Variants in RANBP17 observed in about 807,000 individuals in gnomAD.
RANBP17 encodes RAN binding protein 17.
RANBP17 carries 158 observed loss-of-function variants against 141.2 expected under a neutral mutation model. The observed-to-expected ratio is 1.12, with a 90% CI of 0.98 to 1.28. RANBP17 has a LOEUF of 1.28. RANBP17 is among the 50% of genes most tolerant of loss of function. RANBP17 has a pLI of 0.00. For missense variants in RANBP17, 1,438 were observed against 1,290.7 expected (o/e 1.11, Z -1.75); for synonymous variants, 430 against 450.0 (o/e 0.96, Z 0.56).
chr5:171,066,566 T>C (rs888342880), intron 14 of RANBP17, among the ~76,000 whole-genome samples: 2 of 152,226 alleles, frequency 1.3e-5, no homozygotes, highest in African/African-American at 4.8e-5. Context: ...TATCCATTCA[T>C]CTGTTGTTGG....
rs559580141 is a variant in RANBP17 at position 171,041,729 on chromosome 5, CT to C, written c.1710+73360del. On this transcript the variant is annotated intron_variant, in intron 14 of 27. Transcript: ENST00000523189. ...TAGAAAAGGCACAGTAAAAAATACA[CT>C]TTTTTTTAAATTTAATATTATTTTA... is the stretch of plus-strand genomic sequence containing the variant. Among the ~76,000 whole-genome samples, 30 of 152,032 alleles carry C rather than the reference CT, an allele frequency of 2.0e-4. No individual in the cohort carries two copies. In the South Asian group the frequency reaches 4.2e-3, roughly 21 times the overall value.
chr5:171,281,890 A>G (rs1312892100), intron 25 of RANBP17, among the ~76,000 whole-genome samples: 1 of 152,198 alleles, frequency 6.6e-6, no homozygotes, highest in Non-Finnish European at 1.5e-5. Context: ...ACGCTAGGCC[A>G]TTTAGTACAC....
chr5:171,065,434 G>T (rs1311264371), intron 14 of RANBP17, among the ~76,000 whole-genome samples: 1 of 152,122 alleles, frequency 6.6e-6, no homozygotes, highest in Admixed American at 6.5e-5. Context: ...TCCTGCTCCT[G>T]TGATAATCTA....
At chr5:171,134,328 G>A (rs931200763) in intron 14 of RANBP17, among the ~76,000 whole-genome samples, 2 of 152,148 alleles carry the variant, frequency 1.3e-5, no homozygotes, top group Admixed American at 1.3e-4. Flanking sequence ...ACAATATTTA[G>A]CCTAATAAGG....
chr5:171,244,988 G>A (rs1161215591), intron 24 of RANBP17, among the ~76,000 whole-genome samples: 1 of 151,976 alleles, frequency 6.6e-6, no homozygotes, highest in Non-Finnish European at 1.5e-5. Context: ...AATTAGCCGG[G>A]CTTGGTAGCG....
At position 170,929,963 on chromosome 5, in the gene RANBP17, T is replaced by C. The variant is rs974733742; in HGVS notation, c.1468+5413T>C. On this transcript the variant is annotated intron_variant, in intron 12 of 27. Transcript: ENST00000523189. ...GGAATTTACTCAATGTTTCAATGTA[T>C]TGGAATAAAACTATTCTTAATATTC... Among the ~76,000 whole-genome samples the C allele has an allele frequency of 5.9e-5, 9 of 152,196 alleles. No homozygotes were observed. The South Asian group carries it at 8.3e-4, about 14-fold the overall frequency.
At chr5:171,207,581 G>C (rs2127964445) in intron 20 of RANBP17, 1 of 152,300 alleles carries the variant, frequency 6.6e-6, no homozygotes, top group South Asian at 2.1e-4. Flanking sequence ...GAAGTTATCA[G>C]GGTCAGGGGC....
chr5:171,014,609 G>T (rs1202364531), intron 14 of RANBP17, among the ~76,000 whole-genome samples: 3 of 151,812 alleles, frequency 2.0e-5, no homozygotes, highest in Non-Finnish European at 4.4e-5. Flanking sequence ...TTGTTCTATT[G>T]TTGTCATATA....
At position 171,130,431 on chromosome 5, in the gene RANBP17, C is replaced by CTTTTTTTT. The variant is rs72051535; in HGVS notation, c.1711-39684_1711-39677dup. Among the ~76,000 whole-genome samples the CTTTTTTTT allele has an allele frequency of 1.7e-3, 157 of 90,040 alleles. 2 individuals carry two copies. Among genetic ancestry groups the CTTTTTTTT allele is most frequent in the Non-Finnish European group, 2.2e-3 (109 of 50,496 alleles). The allele number at this position is 90,040 out of a possible 152,430, so 59.1% of individuals were successfully genotyped here. The stretch of plus-strand genomic sequence containing the variant: ...GCTCAATCAGAATACTTTAAAAAGA[C>CTTTTTTTT]TTTTTTTTTTTTTTTTTTTTTTGAG... On this transcript the variant is annotated intron_variant, in intron 14 of 27. Coordinates refer to ENST00000523189, the MANE Select transcript of RANBP17 (RefSeq NM_022897.5).
chr5:171,035,582 G>A (rs772323036), intron 14 of RANBP17, among the ~76,000 whole-genome samples: 2 of 149,024 alleles, frequency 1.3e-5, no homozygotes, highest in Non-Finnish European at 3.0e-5. Flanking sequence ...AATGATACAG[G>A]CTTTATTATC....
At chr5:171,016,551 T>C (rs1298924573) in intron 14 of RANBP17, among the ~76,000 whole-genome samples, 1 of 152,128 alleles carries the variant, frequency 6.6e-6, no homozygotes. Flanking sequence ...GTTGTTGTTA[T>C]ACTTTAAGTT....
intron 14 of RANBP17, among the ~76,000 whole-genome samples, chr5:171,042,701 A>G (rs1018560034): frequency 3.9e-5 from 6 of 152,182 alleles, no homozygotes; most frequent in Middle Eastern, 3.2e-3. Context: ...AATTATAACT[A>G]TAAATCAAAA....
intron 18 of RANBP17, among the ~76,000 whole-genome samples, chr5:171,187,623 T>G (rs868229079): frequency 3.0e-4 from 45 of 152,254 alleles, no homozygotes; most frequent in African/African-American, 1.1e-3. Flanking sequence ...TTTCTATTTC[T>G]GATCATTTGA....
At chr5:171,229,132 G>A (rs1764052969) in intron 22 of RANBP17, among the ~76,000 whole-genome samples, 1 of 152,214 alleles carries the variant, frequency 6.6e-6, no homozygotes, top group African/African-American at 2.4e-5. Flanking sequence ...AAAAATAACA[G>A]TTCTCGAGAG....
intron 14 of RANBP17, among the ~76,000 whole-genome samples, chr5:171,052,927 A>T (rs1783051430): frequency 8.1e-6 from 1 of 123,644 alleles, no homozygotes; most frequent in Non-Finnish European, 1.8e-5. Context: ...ATCTCAGCTC[A>T]CAGCAACCTC....
chr5:170,977,682 T>C (rs2060398408), intron 14 of RANBP17, among the ~76,000 whole-genome samples: 1 of 152,078 alleles, frequency 6.6e-6, no homozygotes, highest in Non-Finnish European at 1.5e-5. Flanking sequence ...GAAGTACTGA[T>C]AGATGCCGTA....
At chr5:170,924,256 T>A in intron 11 of RANBP17, 101 bp from the exon 12 acceptor site, 1 of 773,462 alleles carries the variant, frequency 1.3e-6, no homozygotes, top group African/African-American at 1.7e-5. Flanking sequence ...CTGTCTTTTA[T>A]TCCTTTATTA....
At chr5:171,292,671 G>C (rs1384427771) in intron 25 of RANBP17, among the ~76,000 whole-genome samples, 1 of 152,208 alleles carries the variant, frequency 6.6e-6, no homozygotes, top group African/African-American at 2.4e-5. Flanking sequence ...GAAGAGCTTA[G>C]AGGTAGGAGG....
In RANBP17 at chr5:171,183,195, A is replaced by G; in HGVS notation, c.1894A>G (p.Ile632Val). The change falls in exon 17 of 28, where the codon ATA (isoleucine) becomes GTA (valine). Residue 632 changes from isoleucine (I) to valine (V), a missense_variant. By Grantham distance (29) the Ile-to-Val change is conservative. Coordinates refer to ENST00000523189, the MANE Select transcript of RANBP17 (RefSeq NM_022897.5). ...GYILLKKLVK[I>V]DAVKFMLKNH... ...TATCCTTTTAAAAAAACTTGTGAAG[A>G]TAGATGCTGTGAAATTCATGCTAAA... 3 of 1,580,408 alleles carry G rather than the reference A, an allele frequency of 1.9e-6. No individual in the cohort carries two copies. Among genetic ancestry groups the G allele is most frequent in the Non-Finnish European group, 2.6e-6 (3 of 1,149,440 alleles).
Sources: gnomAD v4.1 joint callset for allele counts (sites outside exome capture counted in the v4.1 genomes callset) on GRCh38, gnomAD v4.1.1 for gene constraint, MANE v1.5 for transcripts, NCBI Gene and HGNC (gene_info 2026-07-23, HGNC 2026-07-21) for gene names.